PPP2R2B: variants seen among roughly 807,000 people sequenced by gnomAD.
The protein encoded by PPP2R2B is serine/threonine-protein phosphatase 2A 55 kDa regulatory subunit B beta isoform.
A neutral mutation model predicts 46.0 loss-of-function variants in PPP2R2B; 5 were observed. The observed-to-expected ratio is 0.11, with a 90% CI of 0.06 to 0.23. The LOEUF is 0.23. Among genes scored for constraint, PPP2R2B ranks in the 10% least tolerant of loss-of-function variants. PPP2R2B has a pLI of 1.00. For synonymous variants in PPP2R2B, 215 were observed against 206.7 expected, an observed-to-expected ratio of 1.04 and a Z score of -0.34; for missense variants, 367 against 575.0, an observed-to-expected ratio of 0.64 and a Z score of 3.70.
At chr5:146,787,282 A>G (rs532756778) in intron 2 of PPP2R2B, among the ~76,000 whole-genome samples, 3 of 152,196 alleles carry the variant, frequency 2.0e-5, no homozygotes, top group Admixed American at 1.3e-4. Context: ...CTATTGGCCA[A>G]CTCCAGCTAA....
chr5:146,932,948 AAAG>A (rs1356653642), intron 1 of PPP2R2B, among the ~76,000 whole-genome samples: 1 of 152,190 alleles, frequency 6.6e-6, no homozygotes, highest in South Asian at 2.1e-4. Context: ...TGGAGGTATC[AAAG>A]AAGCTTTGAG....
At chr5:146,854,712 A>T (rs532738326) in intron 2 of PPP2R2B, among the ~76,000 whole-genome samples, 18 of 152,276 alleles carry the variant, frequency 1.2e-4, no homozygotes, top group African/African-American at 4.3e-4. Flanking sequence ...TGTACCTCAC[A>T]CTGATCGCTA....
At chr5:146,714,449 A>G (rs1780379399) in intron 2 of PPP2R2B, among the ~76,000 whole-genome samples, 1 of 152,152 alleles carries the variant, frequency 6.6e-6, no homozygotes, top group Admixed American at 6.6e-5. Flanking sequence ...GAGTACTTTC[A>G]CAGTGTCATA....
intron 1 of PPP2R2B, among the ~76,000 whole-genome samples, chr5:147,020,966 T>C (rs1024385396): frequency 2.0e-5 from 3 of 152,300 alleles, no homozygotes; most frequent in South Asian, 2.1e-4. Context: ...TTAATTCTTA[T>C]AGTCACTGAA....
chr5:146,787,725 G>T (rs1755933497), intron 2 of PPP2R2B, among the ~76,000 whole-genome samples: 1 of 152,036 alleles, frequency 6.6e-6, no homozygotes, highest in Admixed American at 6.5e-5. Flanking sequence ...ACACCACTAT[G>T]CCTGGCTAAG....
chr5:146,942,146 T>A (rs974031837), intron 1 of PPP2R2B, among the ~76,000 whole-genome samples: 1 of 152,186 alleles, frequency 6.6e-6, no homozygotes, highest in Non-Finnish European at 1.5e-5. Flanking sequence ...GCGCAAAGAC[T>A]CTTTTCAAAT....
At chr5:146,718,378 A>AC (rs1780613007) in intron 2 of PPP2R2B, among the ~76,000 whole-genome samples, 2 of 151,188 alleles carry the variant, frequency 1.3e-5, no homozygotes, top group African/African-American at 4.9e-5. Context: ...ACAGAGTGAG[A>AC]CCCCATCTTA....
chr5:146,620,243 T>C (rs187458931), intron 7 of PPP2R2B, among the ~76,000 whole-genome samples: 11 of 152,370 alleles, frequency 7.2e-5, no homozygotes, highest in Admixed American at 2.0e-4. Context: ...AGGGTTCGCC[T>C]GTCAATCTAA....
chr5:146,948,497 G>A (rs956007396), intron 1 of PPP2R2B, among the ~76,000 whole-genome samples: 1 of 152,024 alleles, frequency 6.6e-6, no homozygotes, highest in Non-Finnish European at 1.5e-5. Flanking sequence ...AATAGTGCCT[G>A]ATGTAGGTAC....
chr5:146,939,383 G>A (rs1054071135), intron 1 of PPP2R2B, among the ~76,000 whole-genome samples: 18 of 152,274 alleles, frequency 1.2e-4, no homozygotes, highest in Non-Finnish European at 2.1e-4. Context: ...TGCAAGTCAC[G>A]TTCAAGGTCC....
At chr5:146,927,044 G>A (rs549262626) in intron 1 of PPP2R2B, among the ~76,000 whole-genome samples, 1 of 152,292 alleles carries the variant, frequency 6.6e-6, no homozygotes, top group Admixed American at 6.5e-5. Context: ...ATGGCTTGCT[G>A]TACCTTGGCA....
chr5:147,061,435 G>T (rs185704324), intron 2 of PPP2R2B, among the ~76,000 whole-genome samples: 2 of 152,088 alleles, frequency 1.3e-5, no homozygotes, highest in African/African-American at 4.8e-5. Context: ...TATCCTCACC[G>T]AGATTTCCTC....
chr5:146,606,084 G>T (rs1772239758), intron 7 of PPP2R2B, among the ~76,000 whole-genome samples: 1 of 152,180 alleles, frequency 6.6e-6, no homozygotes, highest in Non-Finnish European at 1.5e-5. Context: ...TTAAGAAGAA[G>T]ACTGCCAACT....
chr5:146,580,929 G>A lies in PPP2R2B; in HGVS notation c.*9018C>T, dbSNP rs924699154. ...TTGAGTCATGATCCATGCCTGAAAT[G>A]GTATTTCATTTTGTACTTTGAAAAA... On this transcript the variant is annotated 3_prime_UTR_variant, in exon 10 of 10. Transcript: ENST00000394411. 2.6e-5 allele frequency among the ~76,000 whole-genome samples: 4 copies of A among 151,916 alleles called. No individual in the cohort carries two copies. Among genetic ancestry groups the A allele is most frequent in the African/African-American group, 9.7e-5 (4 of 41,354 alleles).
Position 146,638,825 on chromosome 5 carries a change from T to C in PPP2R2B, c.626-410A>G, listed in dbSNP as rs967406244. 3.9e-5 allele frequency among the ~76,000 whole-genome samples: 6 copies of C among 152,224 alleles called. No individual in the cohort carries two copies. The East Asian group carries it at 1.2e-3, about 29-fold the overall frequency. On this transcript the variant is annotated intron_variant, in intron 6 of 9. Coordinates refer to ENST00000394411, the MANE Select transcript of PPP2R2B (RefSeq NM_181675.4). ...AAATAATTCATTTTATCTGATTCCTTAATGGATTATTGGGCTGATAAGTGA... is the reference window on the plus strand; with the variant it reads ...AAATAATTCATTTTATCTGATTCCTCAATGGATTATTGGGCTGATAAGTGA...
chr5:146,729,378 A>T (rs1263509022), intron 2 of PPP2R2B, among the ~76,000 whole-genome samples: 1 of 152,238 alleles, frequency 6.6e-6, no homozygotes, highest in Non-Finnish European at 1.5e-5. Flanking sequence ...AGAGCATAAA[A>T]GTTCAGAAAA....
intron 4 of PPP2R2B, 99 bp from the exon 5 acceptor site, chr5:146,691,339 A>G: frequency 1.1e-6 from 1 of 886,392 alleles, no homozygotes; most frequent in East Asian, 2.5e-5. Flanking sequence ...GTAAGGATGG[A>G]TAGAATTGCT....
rs544781781 is a variant in PPP2R2B, at chr5:146,927,473, G to A, written c.79+128192C>T. ...ATATAAACCACGCAGATTAACTTGC[G>A]GCAAGTAAAAGCATTCAGTGAACTC... On this transcript the variant is annotated intron_variant, in intron 1 of 8. Coordinates refer to the PPP2R2B transcript ENST00000336640. Among the ~76,000 whole-genome samples the A allele has an allele frequency of 1.1e-4, 17 of 152,188 alleles. No homozygotes were observed. In the East Asian group the frequency reaches 2.9e-3, roughly 26 times the overall value.
At chr5:146,631,267 T>C (rs564469548) in intron 7 of PPP2R2B, among the ~76,000 whole-genome samples, 6 of 152,294 alleles carry the variant, frequency 3.9e-5, no homozygotes, top group African/African-American at 1.2e-4. Context: ...CTTCAAGTTA[T>C]AGAAGTAAAA....
Sources: gnomAD v4.1 joint callset for allele counts (sites outside exome capture counted in the v4.1 genomes callset) on GRCh38, gnomAD v4.1.1 for gene constraint, MANE v1.5 for transcripts, NCBI Gene and HGNC (gene_info 2026-07-23, HGNC 2026-07-21) for gene names.